ENG: variants seen among roughly 807,000 people sequenced by gnomAD.
ENG encodes CD105 antigen.
ENG carries 17 observed loss-of-function variants against 71.0 expected under a neutral mutation model. The ratio of observed to expected loss-of-function variants is 0.24; its 90% CI spans 0.16 to 0.36. ENG has a LOEUF of 0.36. Among genes scored for constraint, ENG ranks in the 10% least tolerant of loss-of-function variants. The pLI is 1.00. For missense variants in ENG, 749 were observed against 868.3 expected, an observed-to-expected ratio of 0.86 and a Z score of 1.73; for synonymous variants, 360 against 366.9, an observed-to-expected ratio of 0.98 and a Z score of 0.21.
Position 127,824,971 on chromosome 9 carries a change from T to C in ENG, c.820A>G (p.Thr274Ala), listed in dbSNP as rs1370586541. Residue 274 changes from threonine to alanine, a missense_variant, in exon 7 of 15, where the codon ACT becomes GCT. Thr to Ala is a moderately conservative substitution (Grantham distance 58, BLOSUM62 0). Transcript: ENST00000373203. Reference sequence around the variant, plus strand: ...AAGATCTTGAAGGAGTATTCTCCAGTGGTCTAATGGTGGGGAGAGAGGCAG... The same window carrying C: ...AAGATCTTGAAGGAGTATTCTCCAGCGGTCTAATGGTGGGGAGAGAGGCAG... ...DANHNMQIWT[T>A]GEYSFKIFPE... is the part of the protein sequence containing the mutation. 5.6e-6 allele frequency: 9 copies of C among 1,612,346 alleles called. No individual in the cohort carries two copies. The highest frequency in any genetic ancestry group is 7.6e-6 in the Non-Finnish European group (9 of 1,179,706).
chr9:127,845,871 T>C (rs1294282842), intron 1 of ENG, among the ~76,000 whole-genome samples: 2 of 152,196 alleles, frequency 1.3e-5, no homozygotes, highest in East Asian at 3.9e-4. Flanking sequence ...CACGCCTGGC[T>C]AATTTTTTAA....
Position 127,815,975 on chromosome 9 carries a change from G to A in ENG, c.1820C>T (p.Thr607Ile). The change falls in exon 14 of 15, where the codon ACT (threonine) becomes ATT (isoleucine). Residue 607 changes from threonine to isoleucine, a missense_variant. By Grantham distance (89) the Thr-to-Ile change is moderately conservative. Coordinates refer to ENST00000373203, the MANE Select transcript of ENG (RefSeq NM_001114753.3). ...CGAGTAGATGTACCAGAGTGCAGCA[G>A]TGAGCAGGGCCCCGATGAGGAAGGC... is the stretch of plus-strand genomic sequence containing the variant. Reference protein sequence around the residue: ...FGAFLIGALLTAALWYIYSHT... With the variant: ...FGAFLIGALLIAALWYIYSHT... 1.9e-6 allele frequency: 3 copies of A among 1,606,932 alleles called. No individual in the cohort carries two copies. Among genetic ancestry groups the A allele is most frequent in the South Asian group, 1.1e-5 (1 of 89,644 alleles).
chr9:127,821,791 G>A (rs976707751), intron 8 of ENG, among the ~76,000 whole-genome samples: 2 of 151,480 alleles, frequency 1.3e-5, no homozygotes, highest in African/African-American at 4.9e-5. Context: ...GCTGAGGCAG[G>A]AGAATTGCTT....
At chr9:127,817,869 G>A in intron 12 of ENG, 2 of 589,554 alleles carry the variant, frequency 3.4e-6, no homozygotes, top group Non-Finnish European at 6.0e-6. Context: ...TAAGTGAAAG[G>A]ATGGATGGAT....
chr9:127,854,555 G>A lies in ENG; in HGVS notation c.-200C>T, dbSNP rs1306461769. 1.4e-5 allele frequency: 8 copies of A among 584,912 alleles called. No homozygotes were observed. The highest frequency in any genetic ancestry group is 2.1e-5 in the Non-Finnish European group (7 of 333,686). The allele number at this position is 584,912 out of a possible 1,614,324, so 36.2% of individuals were successfully genotyped here. A position where few individuals can be genotyped will look rare whatever the true frequency, so the allele number is the denominator to read the frequency against. On this transcript the variant is annotated 5_prime_UTR_variant, in exon 1 of 15. Coordinates refer to ENST00000373203, the MANE Select transcript of ENG (RefSeq NM_001114753.3). ...GGACACAGGGACGCGGGGCTGGGCT[G>A]GAGTTGCTGTCCGAAGGATGGGCGG...
intron 2 of ENG, among the ~76,000 whole-genome samples, chr9:127,832,128 T>C (rs1250765419): frequency 7.0e-6 from 1 of 142,916 alleles, no homozygotes; most frequent in Non-Finnish European, 1.5e-5. Context: ...CAGGCTGGAT[T>C]GCAGTGGCAC....
chr9:127,815,499 G>A lies in ENG; in HGVS notation c.*183C>T. ...GTTCTGTGGGGTGGAGGGACCCCAAGGTGTTCCAAGCCAGTGGCTGCACTG... is the reference window on the plus strand; with the variant it reads ...GTTCTGTGGGGTGGAGGGACCCCAAAGTGTTCCAAGCCAGTGGCTGCACTG... On this transcript the variant is annotated 3_prime_UTR_variant, in exon 15 of 15. Transcript: ENST00000373203. The A allele has an allele frequency of 7.4e-6, 9 of 1,218,224 alleles. No homozygotes were observed. Among genetic ancestry groups the A allele is most frequent in the Non-Finnish European group, 8.9e-6 (8 of 901,372 alleles). 75.5% of individuals were successfully genotyped at this position (1,218,224 alleles called of 1,614,324 possible).
chr9:127,824,060 T>C (rs1050953073), intron 8 of ENG, among the ~76,000 whole-genome samples: 8 of 152,188 alleles, frequency 5.3e-5, no homozygotes, highest in African/African-American at 1.9e-4. Context: ...GTGCTGGCAT[T>C]ATTTACTAAG....
At chr9:127,852,353 G>A (rs1829048150) in intron 1 of ENG, among the ~76,000 whole-genome samples, 1 of 152,160 alleles carries the variant, frequency 6.6e-6, no homozygotes, top group Non-Finnish European at 1.5e-5. Flanking sequence ...TTTCTAGGAG[G>A]TCAGGGTCAC....
In ENG at chr9:127,854,277, C is replaced by A. The variant is rs775737444; in HGVS notation, c.67+12G>T. ...GGCCGAGTCTCCCCACCCTGGGTCC[C>A]TGGACACCTACTTGTGGGGCTGAGG... On this transcript the variant is annotated intron_variant, in intron 1 of 14. Coordinates refer to ENST00000373203, the MANE Select transcript of ENG (RefSeq NM_001114753.3). 2.5e-6 allele frequency: 4 copies of A among 1,579,286 alleles called. No homozygotes were observed. The South Asian group carries it at 4.6e-5, about 18-fold the overall frequency.
intron 2 of ENG, among the ~76,000 whole-genome samples, chr9:127,842,421 TTTTTTTA>T (rs1219274289): frequency 2.0e-5 from 3 of 151,408 alleles, no homozygotes; most frequent in South Asian, 2.1e-4. Flanking sequence ...TTTATTTTTA[TTTTTTTA>T]TTTTTTATTT....
chr9:127,854,391 C>T lies in ENG; in HGVS notation c.-36G>A. On this transcript the variant is annotated 5_prime_UTR_variant, in exon 1 of 15. Coordinates refer to ENST00000373203, the MANE Select transcript of ENG (RefSeq NM_001114753.3). ...TGGGGGCCTGTGCGCTGGGCCTTAT[C>T]CTGTGTCCAGTGGCAGGGCTGCGGG... is the stretch of plus-strand genomic sequence containing the variant. The T allele has an allele frequency of 6.4e-7, 1 of 1,555,904 alleles. No individual in the cohort carries two copies. Among genetic ancestry groups the T allele is most frequent in the Non-Finnish European group, 8.7e-7 (1 of 1,149,314 alleles).
intron 8 of ENG, among the ~76,000 whole-genome samples, chr9:127,821,858 G>A (rs1251044020): frequency 1.4e-5 from 2 of 140,714 alleles, no homozygotes; most frequent in African/African-American, 5.4e-5. Flanking sequence ...ACTCCAGCCC[G>A]GGCAATAGTG....
Position 127,825,269 on chromosome 9 carries a change from A to T in ENG, c.778T>A (p.Ser260Thr). 6.2e-7 allele frequency: 1 copy of T among 1,612,086 alleles called. No individual in the cohort carries two copies. The highest frequency in any genetic ancestry group is 1.1e-5 in the South Asian group (1 of 90,976). ...VLILQGPPYV[S>T]WLIDANHNMQ... ...TTGTGGTTGGCGTCGATGAGCCAGG[A>T]CACGTAGGGGGGACCCTGCAGGATG... The change falls in exon 6 of 15, where the codon TCC becomes ACC. Residue 260 changes from serine (S) to threonine (T), a missense_variant. Physicochemically the swap from Ser to Thr is moderately conservative, Grantham distance 58. Coordinates refer to ENST00000373203, the MANE Select transcript of ENG (RefSeq NM_001114753.3).
chr9:127,815,670 G>C lies in ENG; in HGVS notation c.*12C>G, dbSNP rs776488394. 2 of 1,553,724 alleles carry C rather than the reference G, an allele frequency of 1.3e-6. No individual in the cohort carries two copies. Among genetic ancestry groups the C allele is most frequent in the Admixed American group, 1.9e-5 (1 of 53,266 alleles). On this transcript the variant is annotated 3_prime_UTR_variant, in exon 15 of 15. Transcript: ENST00000373203. ...TCAGTCTCTCCTGCTGGGCGAGCGC[G>C]GGGGGCCGGGGCTATGCCATGCTGC...
At chr9:127,824,533 T>TTC in intron 7 of ENG, 87 bp from the exon 8 acceptor site, 6 of 1,431,412 alleles carry the variant, frequency 4.2e-6, no homozygotes, top group Non-Finnish European at 5.5e-6. Context: ...TTTTTTTTTT[T>TTC]TTTGAGACGG....
chr9:127,833,413 C>T (rs759696772), intron 2 of ENG, among the ~76,000 whole-genome samples: 3 of 149,032 alleles, frequency 2.0e-5, no homozygotes, highest in Non-Finnish European at 3.0e-5. Flanking sequence ...CCCAGCTACT[C>T]GGGAGGCTGA....
At chr9:127,817,835 T>G (rs1588574480) in intron 12 of ENG, 7 of 521,672 alleles carry the variant, frequency 1.3e-5, no homozygotes, top group South Asian at 4.3e-5. Flanking sequence ...GGTGGGAGGG[T>G]GGATGGATGG....
At position 127,826,572 on chromosome 9, in the gene ENG, C is replaced by T; in HGVS notation, c.461G>A (p.Gly154Asp). ...CAGCTCAGCAGCAGAGGTGATGGGG[C>T]CCCTCTCAGCTGCCCACTCAAGGAT... ...TQILEWAAER[G>D]PITSAAELND... Residue 154 changes from glycine to aspartate, a missense_variant, in exon 4 of 15, where the codon GGC becomes GAC. Gly to Asp is a moderately conservative substitution (Grantham distance 94, BLOSUM62 -1). Transcript: ENST00000373203. 6.2e-7 allele frequency: 1 copy of T among 1,614,046 alleles called. No individual in the cohort carries two copies. Among genetic ancestry groups the T allele is most frequent in the Non-Finnish European group, 8.5e-7 (1 of 1,180,000 alleles).
Sources: gnomAD v4.1 joint callset for allele counts (sites outside exome capture counted in the v4.1 genomes callset) on GRCh38, gnomAD v4.1.1 for gene constraint, MANE v1.5 for transcripts, NCBI Gene and HGNC (gene_info 2026-07-23, HGNC 2026-07-21) for gene names.